The following SYNE1 variants were observed in gnomAD, a reference collection of about 807,000 sequenced individuals.
SYNE1 encodes spectrin repeat containing nuclear envelope protein 1, also known as nesprin-1.
A neutral mutation model predicts 1,111.0 loss-of-function variants in SYNE1; 616 were observed. That is an observed-to-expected ratio of 0.55 (90% CI 0.52 to 0.59). The LOEUF (loss-of-function observed/expected upper bound fraction) is 0.59, where lower values mean the gene tolerates loss of function less well. Among genes scored for constraint, SYNE1 ranks in the 20% least tolerant of loss-of-function variants. The pLI is 0.00. For synonymous variants in SYNE1, 3,855 were observed against 3,825.8 expected, an observed-to-expected ratio of 1.01 and a Z score of -0.28; for missense variants, 10,006 against 10,417.0, an observed-to-expected ratio of 0.96 and a Z score of 1.72.
In SYNE1 at chr6:152,233,860, C is replaced by A. The variant is rs775765441; in HGVS notation, c.20633G>T (p.Arg6878Leu). The change falls in exon 112 of 146, where the codon CGC (arginine) becomes CTC (leucine). Residue 6878 changes from arginine (R) to leucine (L), a missense_variant. Coordinates refer to ENST00000367255, the MANE Select transcript of SYNE1 (RefSeq NM_182961.4). ...RLKKVDTATL[R>L]SELSRIDSQW... The stretch of plus-strand genomic sequence containing the variant: ...GCTATCAATGCGCGACAGCTCAGAG[C>A]GCAGCGTGGCTGTGTCCACCTTTTT... 3.7e-6 allele frequency: 6 copies of A among 1,614,070 alleles called. No homozygotes were observed. The highest frequency in any genetic ancestry group is 1.7e-5 in the Admixed American group (1 of 59,996).
chr6:152,557,658 T>C (rs1291829680), intron 3 of SYNE1, among the ~76,000 whole-genome samples: 1 of 152,128 alleles, frequency 6.6e-6, no homozygotes, highest in African/African-American at 2.4e-5. Context: ...AGTGGGATAA[T>C]ATAATCAAAG....
chr6:152,215,516 T>C (rs1235346235), intron 121 of SYNE1, among the ~76,000 whole-genome samples: 1 of 152,196 alleles, frequency 6.6e-6, no homozygotes, highest in Non-Finnish European at 1.5e-5. Flanking sequence ...TCATAGGCAA[T>C]TCTTGACAGA....
At chr6:152,329,395 C>A (rs1383790648) in intron 78 of SYNE1, among the ~76,000 whole-genome samples, 1 of 152,092 alleles carries the variant, frequency 6.6e-6, no homozygotes, top group South Asian at 2.1e-4. Flanking sequence ...GATGTGATGG[C>A]GGGTGCCTGT....
intron 3 of SYNE1, among the ~76,000 whole-genome samples, chr6:152,593,249 T>C (rs1360427452): frequency 6.6e-6 from 1 of 152,158 alleles, no homozygotes; most frequent in East Asian, 1.9e-4. Flanking sequence ...TGAGGACTTG[T>C]ACCATAAAGA....
intron 4 of SYNE1, 138 bp from the exon 5 acceptor site, chr6:152,526,313 T>C (rs2099163467): frequency 3.5e-6 from 3 of 848,102 alleles, no homozygotes; most frequent in African/African-American, 1.7e-5. Context: ...TTATTTTGGA[T>C]TGAGTTGCCA....
intron 11 of SYNE1, 107 bp from the exon 12 acceptor site, chr6:152,488,610 A>T (rs980809917): frequency 9.3e-5 from 63 of 679,354 alleles, no homozygotes; most frequent in Non-Finnish European, 6.8e-5. Flanking sequence ...GTAAGTCCCA[A>T]CTGTCTCTGA....
At chr6:152,438,741 C>T (rs1466443173) in intron 32 of SYNE1, among the ~76,000 whole-genome samples, 1 of 152,196 alleles carries the variant, frequency 6.6e-6, no homozygotes, top group Non-Finnish European at 1.5e-5. Context: ...AGTCCCTTAG[C>T]ATAACCATTC....
chr6:152,217,951 T>C (rs1223973092), intron 121 of SYNE1, among the ~76,000 whole-genome samples: 1 of 152,126 alleles, frequency 6.6e-6, no homozygotes, highest in Non-Finnish European at 1.5e-5. Flanking sequence ...CTGGGTGTGG[T>C]TGCTCATTCC....
At chr6:152,267,303 A>G (rs193169186) in intron 100 of SYNE1, among the ~76,000 whole-genome samples, 132 of 152,334 alleles carry the variant, frequency 8.7e-4, no homozygotes, top group African/African-American at 2.9e-3. Context: ...GGTTGCATGA[A>G]AACTTTTTTT....
intron 127 of SYNE1, among the ~76,000 whole-genome samples, chr6:152,194,014 A>T (rs1377471640): frequency 1.3e-5 from 2 of 148,996 alleles, no homozygotes; most frequent in East Asian, 3.9e-4. Flanking sequence ...CTGTCTCGAA[A>T]AAAAAAAAAA....
intron 101 of SYNE1, among the ~76,000 whole-genome samples, chr6:152,257,666 G>T (rs1276846472): frequency 1.3e-5 from 2 of 151,988 alleles, no homozygotes; most frequent in African/African-American, 4.8e-5. Context: ...GCTGAAAATG[G>T]AATCACTGGC....
chr6:152,208,718 T>G (rs748530507), intron 124 of SYNE1, among the ~76,000 whole-genome samples: 3 of 152,240 alleles, frequency 2.0e-5, no homozygotes, highest in Non-Finnish European at 2.9e-5. Flanking sequence ...CTGTACTCCA[T>G]AAACTCTCTC....
intron 46 of SYNE1, among the ~76,000 whole-genome samples, chr6:152,402,050 T>C (rs1360446428): frequency 6.6e-6 from 1 of 152,016 alleles, no homozygotes; most frequent in Non-Finnish European, 1.5e-5. Flanking sequence ...GTAAATATCT[T>C]TCTTTCTCTT....
Position 152,149,646 on chromosome 6 carries a change from A to C in SYNE1, c.24473T>G (p.Leu8158Arg). The C allele has an allele frequency of 6.2e-7, 1 of 1,614,166 alleles. No individual in the cohort carries two copies. Among genetic ancestry groups the C allele is most frequent in the Non-Finnish European group, 8.5e-7 (1 of 1,180,026 alleles). Reference sequence around the variant, plus strand: ...TATCTGCTCAATCTTATTGTGGTTCAGTGAAATTTCCTGCTGGAAGGCCTA... The same window carrying C: ...TATCTGCTCAATCTTATTGTGGTTCCGTGAAATTTCCTGCTGGAAGGCCTA... The part of the protein sequence containing the change: ...QLKAFQQEIS[L>R]NHNKIEQIIA... Residue 8158 changes from leucine to arginine, a missense_variant, in exon 136 of 146, where the codon CTG becomes CGG. This residue lies in a region of SYNE1 where 761 missense variants were observed against 795.5 expected (regional missense o/e 0.96). Coordinates refer to ENST00000367255, the MANE Select transcript of SYNE1 (RefSeq NM_182961.4).
At chr6:152,212,146 C>A (rs138607591) in intron 123 of SYNE1, among the ~76,000 whole-genome samples, 274 of 152,198 alleles carry the variant, frequency 1.8e-3, no homozygotes, top group African/African-American at 6.5e-3. Flanking sequence ...ACATACCATA[C>A]AATTCACTCA....
intron 3 of SYNE1, among the ~76,000 whole-genome samples, chr6:152,591,478 C>A (rs985689820): frequency 5.3e-5 from 8 of 152,124 alleles, no homozygotes; most frequent in Admixed American, 4.6e-4. Context: ...TGAAACAGGA[C>A]CCCTACCTTT....
intron 122 of SYNE1, among the ~76,000 whole-genome samples, chr6:152,214,203 A>G (rs2153434995): frequency 6.6e-6 from 1 of 152,120 alleles, no homozygotes; most frequent in East Asian, 1.9e-4. Context: ...CAAAAAAAAA[A>G]AAAAAAAGAA....
At chr6:152,562,520 A>G (rs993748153) in intron 3 of SYNE1, among the ~76,000 whole-genome samples, 2 of 152,210 alleles carry the variant, frequency 1.3e-5, no homozygotes, top group African/African-American at 2.4e-5. Flanking sequence ...TAGAAGTACC[A>G]TATGATCCAA....
chr6:152,409,199 A>G lies in SYNE1; in HGVS notation c.6409T>C (p.Tyr2137His). Residue 2137 changes from tyrosine to histidine, a missense_variant, in exon 44 of 146, where the codon TAC (tyrosine) becomes CAC (histidine). Tyr to His is a moderately conservative substitution (Grantham distance 83). Transcript: ENST00000367255. Reference protein sequence around the residue: ...KHETAKNKMNYKQKDLDNFTS... With the variant: ...KHETAKNKMNHKQKDLDNFTS... ...AAGTTATCCAAGTCTTTCTGTTTGT[A>G]ATTCATTTTGTTCTTGGCAGTTTCA... is the stretch of plus-strand genomic sequence containing the variant. The G allele has an allele frequency of 6.2e-7, 1 of 1,614,084 alleles. No individual in the cohort carries two copies. Among genetic ancestry groups the G allele is most frequent in the Non-Finnish European group, 8.5e-7 (1 of 1,180,008 alleles).
Sources: gnomAD v4.1 joint callset for allele counts (sites outside exome capture counted in the v4.1 genomes callset) on GRCh38, gnomAD v4.1.1 for gene constraint, gnomAD v4.1.1 regional missense constraint, MANE v1.5 for transcripts, NCBI Gene and HGNC (gene_info 2026-07-23, HGNC 2026-07-21) for gene names.